Variants in PPM1L observed in about 807,000 individuals in gnomAD.
PPM1L encodes protein phosphatase, Mg2+/Mn2+ dependent 1L, also known as protein phosphatase 1L.
Under a neutral mutation model 31.4 loss-of-function variants are expected in PPM1L, and 13 were observed. The observed-to-expected ratio is 0.41, with a 90% confidence interval of 0.27 to 0.66. The LOEUF (loss-of-function observed/expected upper bound fraction) is 0.66, where lower values mean the gene tolerates loss of function less well. PPM1L is among the 30% of genes least tolerant of loss of function. PPM1L has a pLI of 0.29. For missense variants in PPM1L, 326 were observed against 453.7 expected (o/e 0.72, Z 2.56); for synonymous variants, 184 against 175.4 (o/e 1.05, Z -0.39).
chr3:160,947,249 T>G (rs556123022), intron 1 of PPM1L, among the ~76,000 whole-genome samples: 13 of 152,290 alleles, frequency 8.5e-5, no homozygotes, highest in African/African-American at 2.6e-4. Flanking sequence ...TGTAGTGATA[T>G]TTCTCCCTTC....
chr3:160,838,593 G>A (rs940156813), intron 1 of PPM1L, among the ~76,000 whole-genome samples: 3 of 152,294 alleles, frequency 2.0e-5, no homozygotes, highest in African/African-American at 7.2e-5. Context: ...AAACAACTAT[G>A]TAGACTATGT....
intron 1 of PPM1L, among the ~76,000 whole-genome samples, chr3:160,830,601 G>C (rs927770608): frequency 1.3e-5 from 2 of 152,020 alleles, no homozygotes; most frequent in African/African-American, 4.8e-5. Flanking sequence ...AAAATCTGAG[G>C]ATTTTCAATT....
chr3:161,014,496 A>G (rs1335076293), intron 2 of PPM1L, among the ~76,000 whole-genome samples: 2 of 121,432 alleles, frequency 1.6e-5, no homozygotes, highest in East Asian at 2.5e-4. Context: ...TTTTTTTTAG[A>G]TGGAGTCTTG....
At chr3:161,033,965 G>C (rs1277538221) in intron 2 of PPM1L, among the ~76,000 whole-genome samples, 1 of 152,164 alleles carries the variant, frequency 6.6e-6, no homozygotes, top group Non-Finnish European at 1.5e-5. Context: ...CTAATATCCA[G>C]AATCTGCAAG....
rs140859169 is a variant in PPM1L, at chr3:160,809,377, A to G, written c.399+52670A>G. Among the ~76,000 whole-genome samples the G allele has an allele frequency of 3.7e-3, 560 of 152,074 alleles. 7 individuals carry two copies. The highest frequency in any genetic ancestry group is 0.013 in the African/African-American group (536 of 41,486). On this transcript the variant is annotated intron_variant, in intron 1 of 3. Transcript: ENST00000498165. ...CCTTTACCTCCCTCTTCCTCCCTAC[A>G]TGGAGTTTCTTAACTGAAGGCTCAA...
intron 1 of PPM1L, among the ~76,000 whole-genome samples, chr3:160,763,737 T>C (rs531854295): frequency 2.0e-5 from 3 of 152,270 alleles, no homozygotes; most frequent in Admixed American, 1.3e-4. Flanking sequence ...GAGGATTGAT[T>C]TGAACTAACA....
intron 2 of PPM1L, among the ~76,000 whole-genome samples, chr3:161,060,990 A>C (rs1719555526): frequency 6.6e-6 from 1 of 152,072 alleles, no homozygotes; most frequent in African/African-American, 2.4e-5. Flanking sequence ...ATAAAAAGAA[A>C]ATGATTTTTT....
chr3:160,768,540 G>T (rs952661106), intron 1 of PPM1L, among the ~76,000 whole-genome samples: 4 of 152,110 alleles, frequency 2.6e-5, no homozygotes, highest in African/African-American at 9.7e-5. Flanking sequence ...CTCAAGAAGG[G>T]AAATTCAATG....
chr3:160,959,336 T>C (rs1435038728), intron 1 of PPM1L, among the ~76,000 whole-genome samples: 1 of 152,130 alleles, frequency 6.6e-6, no homozygotes, highest in Non-Finnish European at 1.5e-5. Flanking sequence ...AGACTAAATA[T>C]TGGGTACAGT....
At chr3:160,831,537 C>T (rs1212177281) in intron 1 of PPM1L, among the ~76,000 whole-genome samples, 1 of 152,186 alleles carries the variant, frequency 6.6e-6, no homozygotes, top group Non-Finnish European at 1.5e-5. Flanking sequence ...TACACAAAGG[C>T]TGGTACAAAA....
chr3:160,856,444 G>C (rs978245428), intron 1 of PPM1L, among the ~76,000 whole-genome samples: 6 of 152,138 alleles, frequency 3.9e-5, no homozygotes, highest in Non-Finnish European at 8.8e-5. Context: ...AAAAATTGTG[G>C]TATATATACA....
At chr3:161,065,942 G>T (rs1008742720) in intron 3 of PPM1L, among the ~76,000 whole-genome samples, 11 of 152,174 alleles carry the variant, frequency 7.2e-5, no homozygotes, top group Non-Finnish European at 1.6e-4. Flanking sequence ...GCTGTTCTGG[G>T]TCACAATTAC....
At chr3:160,855,774 G>A (rs1711681317) in intron 1 of PPM1L, among the ~76,000 whole-genome samples, 1 of 152,230 alleles carries the variant, frequency 6.6e-6, no homozygotes, top group South Asian at 2.1e-4. Context: ...GAACGTAAGT[G>A]TTTCAGCTAC....
At chr3:160,860,461 A>T (rs958993099) in intron 1 of PPM1L, among the ~76,000 whole-genome samples, 2 of 152,182 alleles carry the variant, frequency 1.3e-5, no homozygotes, top group Non-Finnish European at 2.9e-5. Context: ...TGTATCACAA[A>T]GACTGGGAAA....
At chr3:160,774,815 T>C (rs935471778) in intron 1 of PPM1L, among the ~76,000 whole-genome samples, 1 of 152,200 alleles carries the variant, frequency 6.6e-6, no homozygotes, top group African/African-American at 2.4e-5. Context: ...TTATGGTCTG[T>C]TATAGGCAAT....
intron 2 of PPM1L, among the ~76,000 whole-genome samples, chr3:161,026,709 A>C (rs898678): frequency 0.22 from 33,200 of 151,468 alleles, 3,983 homozygotes; most frequent in South Asian, 0.3. Context: ...AAAAAAAAAA[A>C]AAAGAAAATT....
chr3:160,950,588 C>A (rs900513009), intron 1 of PPM1L, among the ~76,000 whole-genome samples: 2 of 152,190 alleles, frequency 1.3e-5, no homozygotes, highest in Non-Finnish European at 2.9e-5. Flanking sequence ...GCCACACCTG[C>A]CTCCTGGAGG....
intron 1 of PPM1L, among the ~76,000 whole-genome samples, chr3:160,825,825 C>G (rs1348296839): frequency 6.6e-6 from 1 of 152,052 alleles, no homozygotes; most frequent in Non-Finnish European, 1.5e-5. Flanking sequence ...CTGATATTCG[C>G]GAACCCTCCA....
chr3:160,937,212 A>T (rs1715000355), intron 1 of PPM1L, among the ~76,000 whole-genome samples: 1 of 152,252 alleles, frequency 6.6e-6, no homozygotes, highest in African/African-American at 2.4e-5. Flanking sequence ...AATATATTCT[A>T]ATAAAATACG....
Sources: gnomAD v4.1 joint callset for allele counts (sites outside exome capture counted in the v4.1 genomes callset) on GRCh38, gnomAD v4.1.1 for gene constraint, MANE v1.5 for transcripts, NCBI Gene and HGNC (gene_info 2026-07-23, HGNC 2026-07-21) for gene names.